The following STRN3 variants were observed in gnomAD, a reference collection of about 807,000 sequenced individuals.
The protein encoded by STRN3 is striatin 3.
Under a neutral mutation model 95.6 loss-of-function variants are expected in STRN3, and 29 were observed. The ratio of observed to expected loss-of-function variants is 0.30; its 90% confidence interval spans 0.23 to 0.41. The LOEUF is 0.41. Ranked by LOEUF, STRN3 falls within the 10% of genes least tolerant of loss-of-function variation. The probability of loss-of-function intolerance (pLI) is 1.00; values close to 1 mark genes in which losing one functional copy is unlikely to be tolerated. For missense variants in STRN3, 890 were observed against 972.1 expected (o/e 0.92, Z 1.12); for synonymous variants, 331 against 357.6 (o/e 0.93, Z 0.84).
rs193097048 is a variant in STRN3, at chr14:30,895,267, G to C, written c.*144C>G. On this transcript the variant is annotated 3_prime_UTR_variant, in exon 18 of 18. Coordinates refer to ENST00000357479, the MANE Select transcript of STRN3 (RefSeq NM_001083893.2). ...CTTAATGAGCTTGACATTAAGATGT[G>C]ATTTCCACCAATTTGTGCCTGCCCC... The C allele has an allele frequency of 7.2e-5, 59 of 816,768 alleles. No individual in the cohort carries two copies. The highest frequency in any genetic ancestry group is 5.5e-6 in the Non-Finnish European group (3 of 542,458). 50.6% of individuals were successfully genotyped at this position (816,768 alleles called of 1,614,324 possible).
intron 1 of STRN3, among the ~76,000 whole-genome samples, chr14:30,993,317 C>G (rs1035846635): frequency 6.7e-6 from 1 of 150,308 alleles, no homozygotes; most frequent in Non-Finnish European, 1.5e-5. Flanking sequence ...TCAGTAAGTA[C>G]TGGATTTACC....
At chr14:31,020,767 G>A (rs1346976614) in intron 1 of STRN3, among the ~76,000 whole-genome samples, 1 of 152,118 alleles carries the variant, frequency 6.6e-6, no homozygotes, top group Non-Finnish European at 1.5e-5. Context: ...ACAGCTTGGT[G>A]TGATAGTCCA....
chr14:30,968,536 C>T (rs1566464618), intron 1 of STRN3, among the ~76,000 whole-genome samples: 1 of 151,934 alleles, frequency 6.6e-6, no homozygotes. Context: ...AAAAATTAGC[C>T]GGGCATGGTG....
intron 10 of STRN3, among the ~76,000 whole-genome samples, chr14:30,912,845 C>CTA (rs147856130): frequency 1.9e-3 from 293 of 151,894 alleles, no homozygotes; most frequent in Non-Finnish European, 3.1e-3. Flanking sequence ...AAGGCTGTCT[C>CTA]TAAGCATGCT....
chr14:30,930,717 C>G (rs1774128603), intron 7 of STRN3, among the ~76,000 whole-genome samples: 1 of 152,080 alleles, frequency 6.6e-6, no homozygotes, highest in African/African-American at 2.4e-5. Flanking sequence ...ATTCACTTTA[C>G]TCAATTCGCA....
At chr14:30,938,098 C>T (rs985687412) in intron 5 of STRN3, among the ~76,000 whole-genome samples, 12 of 145,784 alleles carry the variant, frequency 8.2e-5, no homozygotes, top group African/African-American at 2.3e-4. Flanking sequence ...TTTTAATTGT[C>T]GTTTTTTTTT....
intron 4 of STRN3, among the ~76,000 whole-genome samples, chr14:30,947,555 A>G (rs1566451626): frequency 6.6e-6 from 1 of 152,146 alleles, no homozygotes; most frequent in Non-Finnish European, 1.5e-5. Context: ...ACACACACAC[A>G]CATTTTTAAA....
chr14:30,910,561 G>C (rs1429602036), intron 13 of STRN3, among the ~76,000 whole-genome samples: 1 of 151,798 alleles, frequency 6.6e-6, no homozygotes, highest in Non-Finnish European at 1.5e-5. Context: ...GCAAGTCAAA[G>C]GAGGTTTCCT....
In STRN3 at chr14:31,025,977, T is replaced by G; in HGVS notation, c.209A>C (p.His70Pro). The change falls in exon 1 of 18, where the codon CAC becomes CCC. Residue 70 changes from histidine to proline, a missense_variant. Physicochemically the swap from His to Pro is moderately conservative, Grantham distance 77. Around this residue, in one of 3 missense-constraint regions of STRN3, gnomAD observed 526 missense variants for 526.3 expected, o/e 1.00. Transcript: ENST00000357479. ...PQQYTIPGILHYIQHEWARFE... is the reference protein window; with the variant it reads ...PQQYTIPGILPYIQHEWARFE... Reference sequence around the variant, plus strand: ...CCGAGCCCACTCGTGCTGGATGTAGTGCAGTATCCCCGGGATAGTGTACTG... The same window carrying G: ...CCGAGCCCACTCGTGCTGGATGTAGGGCAGTATCCCCGGGATAGTGTACTG... 2 of 1,579,598 alleles carry G rather than the reference T, an allele frequency of 1.3e-6. No homozygotes were observed. The highest frequency in any genetic ancestry group is 1.7e-6 in the Non-Finnish European group (2 of 1,163,774).
chr14:30,950,293 C>G (rs530337060), intron 4 of STRN3, among the ~76,000 whole-genome samples: 11 of 152,256 alleles, frequency 7.2e-5, no homozygotes, highest in African/African-American at 2.6e-4. Flanking sequence ...AAGATACCTA[C>G]AGCAGAAAAG....
chr14:30,943,154 A>T (rs1469576435), intron 5 of STRN3, among the ~76,000 whole-genome samples: 1 of 152,228 alleles, frequency 6.6e-6, no homozygotes. Flanking sequence ...TGAAATCTTG[A>T]TCCACATGTT....
intron 5 of STRN3, among the ~76,000 whole-genome samples, chr14:30,943,226 G>C (rs1369111216): frequency 1.3e-5 from 2 of 152,128 alleles, no homozygotes; most frequent in Admixed American, 1.3e-4. Context: ...ACCATAACAT[G>C]CCTACATTAG....
intron 1 of STRN3, among the ~76,000 whole-genome samples, chr14:30,958,167 G>C (rs1268579344): frequency 1.3e-5 from 2 of 151,760 alleles, no homozygotes; most frequent in African/African-American, 2.4e-5. Context: ...TCAATAATTA[G>C]CCAGGCGTGG....
At chr14:30,949,807 G>C (rs1382303437) in intron 4 of STRN3, among the ~76,000 whole-genome samples, 1 of 152,190 alleles carries the variant, frequency 6.6e-6, no homozygotes, top group Non-Finnish European at 1.5e-5. Context: ...GGGCTATGTG[G>C]TAAAAGTTTA....
At chr14:30,973,678 A>G (rs555812010) in intron 1 of STRN3, among the ~76,000 whole-genome samples, 2 of 152,322 alleles carry the variant, frequency 1.3e-5, no homozygotes, top group African/African-American at 4.8e-5. Flanking sequence ...AAGAAACTAT[A>G]GACCAATCAA....
chr14:31,026,085 C>G lies in STRN3; in HGVS notation c.101G>C (p.Gly34Ala), dbSNP rs1180593150. 3 of 1,529,308 alleles carry G rather than the reference C, an allele frequency of 2.0e-6. No homozygotes were observed. Among genetic ancestry groups the G allele is most frequent in the Non-Finnish European group, 1.8e-6 (2 of 1,138,644 alleles). The allele number at this position is 1,529,308 out of a possible 1,614,324, so 94.7% of individuals were successfully genotyped here. ...ACCCCCGCCGCCCGCCGCTCCGTTC[C>G]CCCCGGGCGAAAGGCCCAGGTTCCC... ...PGGNLGLSPG[G>A]NGAAGGGGPP... Residue 34 changes from glycine to alanine, a missense_variant, in exon 1 of 18, where the codon GGG (glycine) becomes GCG (alanine). Around this residue, in one of 3 missense-constraint regions of STRN3, gnomAD observed 526 missense variants for 526.3 expected, o/e 1.00. Transcript: ENST00000357479.
chr14:30,908,087 CAAGG>C, intron 13 of STRN3, among the ~76,000 whole-genome samples: 1 of 152,256 alleles, frequency 6.6e-6, no homozygotes, highest in South Asian at 2.1e-4. Context: ...CAGATACAAG[CAAGG>C]AATCTGTCCT....
intron 1 of STRN3, among the ~76,000 whole-genome samples, chr14:31,007,186 C>T (rs750398936): frequency 2.0e-5 from 3 of 152,046 alleles, no homozygotes; most frequent in Non-Finnish European, 4.4e-5. Flanking sequence ...AAGAGATTTC[C>T]GGAAGGACCG....
chr14:30,921,568 G>A (rs1896885430), intron 8 of STRN3, among the ~76,000 whole-genome samples: 1 of 152,146 alleles, frequency 6.6e-6, no homozygotes, highest in Non-Finnish European at 1.5e-5. Context: ...TTTAGTAGTA[G>A]TCTTTACTCT....
Sources: gnomAD v4.1 joint callset for allele counts (sites outside exome capture counted in the v4.1 genomes callset) on GRCh38, gnomAD v4.1.1 for gene constraint, gnomAD v4.1.1 regional missense constraint, MANE v1.5 for transcripts, NCBI Gene and HGNC (gene_info 2026-07-23, HGNC 2026-07-21) for gene names.